MAN1A1: variants seen among roughly 807,000 people sequenced by gnomAD.
MAN1A1 encodes the protein mannosidase alpha class 1A member 1, also known as mannosyl-oligosaccharide 1,2-alpha-mannosidase IA.
A neutral mutation model predicts 70.8 loss-of-function variants in MAN1A1; 29 were observed. The ratio of observed to expected loss-of-function variants is 0.41; its 90% CI spans 0.31 to 0.56. The LOEUF is 0.56. Among genes scored for constraint, MAN1A1 ranks in the 20% least tolerant of loss-of-function variants. The pLI, the probability that MAN1A1 is intolerant of heterozygous loss-of-function variation, is 0.29. For missense variants in MAN1A1, 747 were observed against 841.3 expected, an observed-to-expected ratio of 0.89 and a Z score of 1.39; for synonymous variants, 349 against 330.1, an observed-to-expected ratio of 1.06 and a Z score of -0.62.
At chr6:119,281,931 G>A (rs937635153) in intron 5 of MAN1A1, among the ~76,000 whole-genome samples, 8 of 151,856 alleles carry the variant, frequency 5.3e-5, no homozygotes, top group Non-Finnish European at 7.4e-5. Flanking sequence ...GCATGGTGGC[G>A]GGAGTCTGTA....
chr6:119,301,958 G>T, intron 4 of MAN1A1, 30 bp downstream of exon 4: 1 of 1,165,562 alleles, frequency 8.6e-7, no homozygotes, highest in Non-Finnish European at 1.3e-6. Flanking sequence ...GAAATTTAAG[G>T]ACTGAATTAG....
At chr6:119,189,549 C>T (rs1013137531) in intron 10 of MAN1A1, 115 bp downstream of exon 10, 23 of 883,724 alleles carry the variant, frequency 2.6e-5, no homozygotes, top group Admixed American at 1.6e-4. Context: ...ACATTAATCA[C>T]GATCATCAAG....
chr6:119,209,938 T>G (rs747608186), intron 6 of MAN1A1, among the ~76,000 whole-genome samples: 2 of 152,214 alleles, frequency 1.3e-5, no homozygotes, highest in Non-Finnish European at 2.9e-5. Context: ...CTTCCTGCTT[T>G]CAAACAGCAG....
intron 2 of MAN1A1, among the ~76,000 whole-genome samples, chr6:119,308,368 AGT>A (rs1347261603): frequency 2.0e-5 from 3 of 152,188 alleles, no homozygotes; most frequent in African/African-American, 7.2e-5. Context: ...TGTATATGGT[AGT>A]GTTTTCAGGA....
At chr6:119,303,877 AGTT>A (rs1772462039) in intron 3 of MAN1A1, among the ~76,000 whole-genome samples, 1 of 152,190 alleles carries the variant, frequency 6.6e-6, no homozygotes, top group Non-Finnish European at 1.5e-5. Flanking sequence ...AGTCTGAAGC[AGTT>A]TCTAGAGGAG....
At chr6:119,252,465 G>T (rs1014423769) in intron 5 of MAN1A1, among the ~76,000 whole-genome samples, 3 of 152,188 alleles carry the variant, frequency 2.0e-5, no homozygotes. Context: ...TTTGGCCCAG[G>T]AACTGCTAAC....
intron 6 of MAN1A1, among the ~76,000 whole-genome samples, chr6:119,231,790 T>A (rs1332211292): frequency 6.6e-6 from 1 of 151,984 alleles, no homozygotes; most frequent in Non-Finnish European, 1.5e-5. Flanking sequence ...AGCAGTGGAG[T>A]CAAAAAGATG....
chr6:119,251,734 C>G (rs1775323233), intron 5 of MAN1A1, among the ~76,000 whole-genome samples: 1 of 152,242 alleles, frequency 6.6e-6, no homozygotes, highest in African/African-American at 2.4e-5. Context: ...GCCTATTATA[C>G]AGATCTAACC....
At chr6:119,296,982 A>G (rs1721848981) in intron 4 of MAN1A1, among the ~76,000 whole-genome samples, 1 of 152,264 alleles carries the variant, frequency 6.6e-6, no homozygotes. Flanking sequence ...GGTTAATATA[A>G]GAAATTGTTA....
intron 2 of MAN1A1, among the ~76,000 whole-genome samples, chr6:119,313,323 T>C (rs1272453774): frequency 2.6e-5 from 4 of 152,118 alleles, no homozygotes; most frequent in Non-Finnish European, 1.5e-5. Flanking sequence ...CCTCACATCA[T>C]TCCTCAGTGA....
At chr6:119,312,965 A>G (rs183195062) in intron 2 of MAN1A1, among the ~76,000 whole-genome samples, 55 of 152,326 alleles carry the variant, frequency 3.6e-4, no homozygotes, top group Non-Finnish European at 6.3e-4. Flanking sequence ...GCACCTGACT[A>G]GAAGACACTC....
At chr6:119,335,241 T>C (rs922630396) in intron 2 of MAN1A1, among the ~76,000 whole-genome samples, 9 of 152,196 alleles carry the variant, frequency 5.9e-5, no homozygotes, top group Non-Finnish European at 1.2e-4. Flanking sequence ...CCCCTTTCCT[T>C]ATCACTCCTA....
chr6:119,243,506 A>C (rs940064121), intron 6 of MAN1A1, among the ~76,000 whole-genome samples: 4 of 152,110 alleles, frequency 2.6e-5, no homozygotes, highest in African/African-American at 9.6e-5. Context: ...AAATTAACCA[A>C]CTATAATGTA....
chr6:119,329,459 C>T (rs116370582), intron 2 of MAN1A1, among the ~76,000 whole-genome samples: 28,561 of 151,392 alleles, frequency 0.19, 3,129 homozygotes, highest in Admixed American at 0.3. Flanking sequence ...TAAATATCCC[C>T]CCCCCACCCA....
chr6:119,239,110 C>T (rs944988501), intron 6 of MAN1A1, among the ~76,000 whole-genome samples: 23 of 151,972 alleles, frequency 1.5e-4, no homozygotes, highest in African/African-American at 5.6e-4. Context: ...GATCTCCTGA[C>T]CTCGTGATCC....
intron 8 of MAN1A1, among the ~76,000 whole-genome samples, chr6:119,194,394 G>A (rs1024752422): frequency 6.6e-6 from 1 of 152,182 alleles, no homozygotes; most frequent in African/African-American, 2.4e-5. Flanking sequence ...CACGATGATA[G>A]CTCACTATAA....
At chr6:119,282,330 G>A (rs1276347926) in intron 5 of MAN1A1, among the ~76,000 whole-genome samples, 1 of 152,196 alleles carries the variant, frequency 6.6e-6, no homozygotes, top group Non-Finnish European at 1.5e-5. Context: ...CTTATGCAGA[G>A]GGACAAACAG....
intron 6 of MAN1A1, among the ~76,000 whole-genome samples, chr6:119,210,415 A>G (rs72956777): frequency 6.6e-6 from 1 of 152,076 alleles, no homozygotes. Context: ...ATGGGCATGC[A>G]TATACACCAC....
At chr6:119,298,619 CT>C (rs1772291927) in intron 4 of MAN1A1, among the ~76,000 whole-genome samples, 1 of 136,716 alleles carries the variant, frequency 7.3e-6, no homozygotes, top group Non-Finnish European at 1.5e-5. Flanking sequence ...TTTTTTGAGT[CT>C]GAGTCTCACT....
Sources: gnomAD v4.1 joint callset for allele counts (sites outside exome capture counted in the v4.1 genomes callset) on GRCh38, gnomAD v4.1.1 for gene constraint, MANE v1.5 for transcripts, NCBI Gene and HGNC (gene_info 2026-07-23, HGNC 2026-07-21) for gene names.